The following ULK4 variants were observed in gnomAD, a reference collection of about 807,000 sequenced individuals.
ULK4 encodes inactive serine/threonine-protein kinase ULK4.
In ULK4, 133 loss-of-function variants were observed where a neutral mutation model predicts 160.6. The observed-to-expected ratio is 0.83, with a 90% CI of 0.72 to 0.96. The LOEUF (loss-of-function observed/expected upper bound fraction) is 0.96. ULK4 is among the 40% of genes least tolerant of loss of function. The pLI is 0.00. For synonymous variants in ULK4, 534 were observed against 539.8 expected (o/e 0.99, Z 0.15); for missense variants, 1,580 against 1,499.5 (o/e 1.05, Z -0.89).
At chr3:41,785,836 A>T (rs2039983678) in intron 21 of ULK4, among the ~76,000 whole-genome samples, 2 of 152,148 alleles carry the variant, frequency 1.3e-5, no homozygotes, top group Admixed American at 1.3e-4. Flanking sequence ...GTCTTCTTCC[A>T]ACTGCCCAGG....
Position 41,456,625 on chromosome 3 carries a change from T to C in ULK4, c.3394-1030A>G, listed in dbSNP as rs116835075. Among the ~76,000 whole-genome samples the C allele has an allele frequency of 4.7e-3, 719 of 152,360 alleles. 8 individuals are homozygous for C. Among genetic ancestry groups the C allele is most frequent in the African/African-American group, 0.012 (511 of 41,582 alleles). On this transcript the variant is annotated intron_variant, in intron 33 of 36. Transcript: ENST00000301831. ...CTAATTCCAAAGGAGATTTCTATCA[T>C]AGAGATGAATAATTTTATATTAAAA...
intron 25 of ULK4, among the ~76,000 whole-genome samples, chr3:41,709,444 T>C (rs2037014818): frequency 6.6e-6 from 1 of 152,190 alleles, no homozygotes. Context: ...TGGAGTGCAC[T>C]GGCATGATCT....
At chr3:41,534,371 T>G (rs2086420277) in intron 32 of ULK4, among the ~76,000 whole-genome samples, 1 of 152,202 alleles carries the variant, frequency 6.6e-6, no homozygotes, top group African/African-American at 2.4e-5. Context: ...GGAATTAATA[T>G]CCATTATTGA....
At chr3:41,664,538 G>T (rs796406842) in intron 29 of ULK4, among the ~76,000 whole-genome samples, 9 of 152,184 alleles carry the variant, frequency 5.9e-5, no homozygotes, top group African/African-American at 2.2e-4. Flanking sequence ...GGTCATGTAG[G>T]CAACCTCTAT....
At chr3:41,811,932 A>G (rs534593501) in intron 19 of ULK4, among the ~76,000 whole-genome samples, 89 of 152,326 alleles carry the variant, frequency 5.8e-4, no homozygotes, top group African/African-American at 2.0e-3. Flanking sequence ...CTGAGAAATT[A>G]TGACACTCTT....
intron 34 of ULK4, among the ~76,000 whole-genome samples, chr3:41,425,446 G>C (rs1344963478): frequency 6.6e-6 from 1 of 152,050 alleles, no homozygotes; most frequent in Admixed American, 6.5e-5. Flanking sequence ...AAAATGCAGA[G>C]AATCCCAGTA....
At chr3:41,754,613 C>T (rs760529534) in intron 21 of ULK4, 125 bp from the exon 22 acceptor site, 53 of 786,268 alleles carry the variant, frequency 6.7e-5, no homozygotes, top group Non-Finnish European at 8.8e-5. Context: ...CTACTGTTTT[C>T]GCATTCTCAA....
chr3:41,495,947 T>C (rs1049439563), intron 32 of ULK4, among the ~76,000 whole-genome samples: 10 of 151,890 alleles, frequency 6.6e-5, no homozygotes, highest in Admixed American at 4.6e-4. Flanking sequence ...ATCCATAATA[T>C]AACACAAAAG....
At chr3:41,328,692 A>T (rs951321355) in intron 35 of ULK4, among the ~76,000 whole-genome samples, 22 of 152,244 alleles carry the variant, frequency 1.4e-4, no homozygotes, top group African/African-American at 5.3e-4. Flanking sequence ...ATTTGTTTAA[A>T]TAGAAAGTGG....
intron 35 of ULK4, among the ~76,000 whole-genome samples, chr3:41,323,391 AACACACACACACACACACACACACAC>A (rs34357899): frequency 8.3e-6 from 1 of 120,266 alleles, no homozygotes; most frequent in Non-Finnish European, 1.7e-5. Flanking sequence ...CCTGAACAAT[AACACACACACACACACACACACACAC>A]ACACACACAC....
At chr3:41,786,806 C>A (rs1477308524) in intron 21 of ULK4, among the ~76,000 whole-genome samples, 2 of 151,906 alleles carry the variant, frequency 1.3e-5, no homozygotes, top group African/African-American at 4.8e-5. Flanking sequence ...AAACCCTGGA[C>A]AATATATATA....
At chr3:41,663,753 C>T in intron 29 of ULK4, 54 bp from the exon 30 acceptor site, 5 of 1,425,732 alleles carry the variant, frequency 3.5e-6, no homozygotes, top group Non-Finnish European at 4.9e-6. Flanking sequence ...TATGTCCAAC[C>T]TTGAATTCTA....
chr3:41,668,416 T>C (rs2035421474), intron 29 of ULK4, among the ~76,000 whole-genome samples: 1 of 152,246 alleles, frequency 6.6e-6, no homozygotes, highest in Admixed American at 6.5e-5. Context: ...TTCTGTACCT[T>C]TTCTGTGTTT....
At chr3:41,796,448 C>T (rs991005442) in intron 20 of ULK4, among the ~76,000 whole-genome samples, 8 of 152,006 alleles carry the variant, frequency 5.3e-5, no homozygotes, top group Admixed American at 2.0e-4. Flanking sequence ...AAAAATTAAC[C>T]GGATGTGGTG....
chr3:41,772,723 G>A (rs1484078903), intron 21 of ULK4, among the ~76,000 whole-genome samples: 9 of 152,240 alleles, frequency 5.9e-5, no homozygotes, highest in African/African-American at 1.9e-4. Context: ...CATTTTATGA[G>A]GCCAGCATCA....
chr3:41,271,150 C>A (rs1238278917), intron 35 of ULK4, among the ~76,000 whole-genome samples: 1 of 152,104 alleles, frequency 6.6e-6, no homozygotes, highest in Non-Finnish European at 1.5e-5. Flanking sequence ...GAAACCAACA[C>A]CACATCAAGA....
chr3:41,553,772 C>T lies in ULK4; in HGVS notation c.3226+12253G>A, dbSNP rs147991012. On this transcript the variant is annotated intron_variant, in intron 32 of 36. Transcript: ENST00000301831. ...ATAGGCATGCAATGCATAATAACCA[C>T]GTCAGAGTAAATGGGGCATCCATCC... Among the ~76,000 whole-genome samples the T allele has an allele frequency of 5.4e-3, 705 of 130,680 alleles. 3 individuals are homozygous for T. The highest frequency in any genetic ancestry group is 0.017 in the African/African-American group (680 of 40,178). 85.7% of individuals were successfully genotyped at this position (130,680 alleles called of 152,430 possible).
At chr3:41,782,092 C>A (rs985439014) in intron 21 of ULK4, among the ~76,000 whole-genome samples, 3 of 151,682 alleles carry the variant, frequency 2.0e-5, no homozygotes. Context: ...ATAACTGGGG[C>A]TGCCTCGCCA....
chr3:41,577,427 G>A (rs771401555), intron 31 of ULK4, among the ~76,000 whole-genome samples: 8 of 152,238 alleles, frequency 5.3e-5, no homozygotes, highest in East Asian at 3.9e-4. Flanking sequence ...TAATAATCAC[G>A]TCAGGGGAAA....
Sources: gnomAD v4.1 joint callset for allele counts (sites outside exome capture counted in the v4.1 genomes callset) on GRCh38, gnomAD v4.1.1 for gene constraint, MANE v1.5 for transcripts, NCBI Gene and HGNC (gene_info 2026-07-23, HGNC 2026-07-21) for gene names.